The following CACNA2D3 variants were observed in gnomAD, a reference collection of about 807,000 sequenced individuals.
The protein encoded by CACNA2D3 is voltage-dependent calcium channel subunit alpha-2/delta-3.
CACNA2D3 carries 60 observed loss-of-function variants against 160.6 expected under a neutral mutation model. The observed-to-expected ratio is 0.37, with a 90% CI of 0.30 to 0.46. The LOEUF (loss-of-function observed/expected upper bound fraction) is 0.46. CACNA2D3 is among the 20% of genes least tolerant of loss of function. The pLI, the probability that CACNA2D3 is intolerant of heterozygous loss-of-function variation, is 1.00. For missense variants in CACNA2D3, 1,205 were observed against 1,365.0 expected (o/e 0.88, Z 1.85); for synonymous variants, 558 against 492.9 (o/e 1.13, Z -1.75).
chr3:54,297,312 A>T (rs182351113), intron 2 of CACNA2D3, among the ~76,000 whole-genome samples: 1 of 152,254 alleles, frequency 6.6e-6, no homozygotes, highest in African/African-American at 2.4e-5. Flanking sequence ...GGTCAGGGTG[A>T]ATGCTCACTT....
intron 11 of CACNA2D3, among the ~76,000 whole-genome samples, chr3:54,717,039 T>C (rs1174055527): frequency 1.3e-5 from 2 of 152,116 alleles, no homozygotes; most frequent in Non-Finnish European, 2.9e-5. Flanking sequence ...TAACTACTTT[T>C]CTGACTTCTA....
intron 13 of CACNA2D3, among the ~76,000 whole-genome samples, chr3:54,805,080 A>G (rs939219591): frequency 2.6e-5 from 4 of 152,238 alleles, no homozygotes; most frequent in African/African-American, 7.2e-5. Flanking sequence ...ATAGCACTAA[A>G]TGCCCACAAG....
chr3:54,261,880 C>T (rs770236999), intron 2 of CACNA2D3, among the ~76,000 whole-genome samples: 6 of 152,122 alleles, frequency 3.9e-5, no homozygotes, highest in East Asian at 1.9e-4. Context: ...ACATGGAATG[C>T]GTGGTCCCCA....
At chr3:54,390,915 C>T (rs966328477) in intron 4 of CACNA2D3, among the ~76,000 whole-genome samples, 3 of 152,058 alleles carry the variant, frequency 2.0e-5, no homozygotes, top group African/African-American at 7.2e-5. Context: ...TTTCAGACTA[C>T]CATCTGCTCA....
chr3:54,317,551 T>C (rs565289203), intron 2 of CACNA2D3, among the ~76,000 whole-genome samples: 1 of 152,264 alleles, frequency 6.6e-6, no homozygotes. Context: ...TTTTTTTCTT[T>C]TTTGAGACAG....
intron 4 of CACNA2D3, among the ~76,000 whole-genome samples, chr3:54,450,341 A>T (rs1235271700): frequency 6.6e-6 from 1 of 152,164 alleles, no homozygotes; most frequent in East Asian, 1.9e-4. Context: ...TATCCTTCCT[A>T]TGTGCAAAAC....
intron 35 of CACNA2D3, among the ~76,000 whole-genome samples, chr3:55,029,757 A>C (rs902531447): frequency 6.6e-6 from 1 of 152,204 alleles, no homozygotes; most frequent in African/African-American, 2.4e-5. Context: ...GTGGGAGTAC[A>C]TTAGTGTCAT....
At chr3:54,487,708 GA>G (rs1293652802) in intron 4 of CACNA2D3, among the ~76,000 whole-genome samples, 6 of 151,960 alleles carry the variant, frequency 3.9e-5, no homozygotes, top group East Asian at 1.9e-4. Flanking sequence ...ATGCAATAAA[GA>G]AAAAAAATAG....
intron 14 of CACNA2D3, among the ~76,000 whole-genome samples, 184 bp from the exon 15 acceptor site, chr3:54,836,975 G>A (rs1054741320): frequency 1.3e-5 from 2 of 152,202 alleles, no homozygotes; most frequent in Non-Finnish European, 2.9e-5. Context: ...CCAGCTGGGG[G>A]CTGGGACTGT....
At chr3:54,453,783 G>A (rs1440265341) in intron 4 of CACNA2D3, among the ~76,000 whole-genome samples, 1 of 152,204 alleles carries the variant, frequency 6.6e-6, no homozygotes, top group Non-Finnish European at 1.5e-5. Context: ...AAAAGGACCT[G>A]TGTTGTAATA....
intron 4 of CACNA2D3, among the ~76,000 whole-genome samples, chr3:54,423,915 A>G (rs1482541039): frequency 1.4e-5 from 2 of 147,806 alleles, no homozygotes; most frequent in African/African-American, 2.5e-5. Flanking sequence ...TTTTTGAGAC[A>G]GGGTCTGACT....
At chr3:54,201,625 C>G (rs1701180746) in intron 2 of CACNA2D3, among the ~76,000 whole-genome samples, 1 of 151,918 alleles carries the variant, frequency 6.6e-6, no homozygotes, top group African/African-American at 2.4e-5. Context: ...TATTATACCC[C>G]AAATAAATTC....
At chr3:54,354,535 CCTCCTGAGTGTCT>C (rs1402027579) in intron 3 of CACNA2D3, among the ~76,000 whole-genome samples, 1 of 152,120 alleles carries the variant, frequency 6.6e-6, no homozygotes, top group Non-Finnish European at 1.5e-5. Flanking sequence ...TCCAAGGGCC[CCTCCTGAGTGTCT>C]CTGGGTCTCT....
chr3:54,384,863 G>A (rs1429243294), intron 3 of CACNA2D3, among the ~76,000 whole-genome samples: 3 of 152,064 alleles, frequency 2.0e-5, no homozygotes, highest in Non-Finnish European at 4.4e-5. Flanking sequence ...GAGACTACAG[G>A]CATGTGCCAC....
At chr3:54,925,703 C>G (rs760545037) in intron 27 of CACNA2D3, among the ~76,000 whole-genome samples, 2 of 152,168 alleles carry the variant, frequency 1.3e-5, no homozygotes, top group African/African-American at 2.4e-5. Flanking sequence ...GTATGGGAGC[C>G]AATAGCCATG....
chr3:54,328,187 G>T (rs546611032), intron 3 of CACNA2D3, among the ~76,000 whole-genome samples: 72 of 152,290 alleles, frequency 4.7e-4, no homozygotes, highest in African/African-American at 1.7e-3. Context: ...GTGGTTGGAG[G>T]GGAACTATTT....
chr3:54,440,584 C>T (rs188841536), intron 4 of CACNA2D3, among the ~76,000 whole-genome samples: 18 of 152,186 alleles, frequency 1.2e-4, no homozygotes, highest in Admixed American at 1.1e-3. Context: ...GTGCCGCACC[C>T]ATTAACTCGT....
intron 2 of CACNA2D3, among the ~76,000 whole-genome samples, chr3:54,183,099 A>G (rs1452846050): frequency 6.6e-6 from 1 of 151,974 alleles, no homozygotes; most frequent in African/African-American, 2.4e-5. Flanking sequence ...AATATTTTTC[A>G]TGTTGTGAAA....
chr3:54,376,677 T>C (rs1329100555), intron 3 of CACNA2D3, among the ~76,000 whole-genome samples: 4 of 152,142 alleles, frequency 2.6e-5, no homozygotes, highest in African/African-American at 9.7e-5. Flanking sequence ...GTGTAATTCT[T>C]CCCACATAAT....
Sources: gnomAD v4.1 joint callset for allele counts (sites outside exome capture counted in the v4.1 genomes callset) on GRCh38, gnomAD v4.1.1 for gene constraint, MANE v1.5 for transcripts, NCBI Gene and HGNC (gene_info 2026-07-23, HGNC 2026-07-21) for gene names.